Variants in IQCM observed in about 807,000 individuals in gnomAD.
IQCM encodes IQ domain-containing protein M.
IQCM carries 45 observed loss-of-function variants against 57.6 expected under a neutral mutation model. The ratio of observed to expected loss-of-function variants is 0.78; its 90% CI spans 0.62 to 1.00. The LOEUF is 1.00. Ranked by LOEUF, IQCM falls within the 50% of genes least tolerant of loss-of-function variation. The pLI is 0.00. For synonymous variants in IQCM, 148 were observed against 158.9 expected (o/e 0.93, Z 0.51); for missense variants, 468 against 511.6 (o/e 0.91, Z 0.82).
chr4:149,553,658 A>T lies in IQCM; in HGVS notation c.949-371T>A, dbSNP rs542822617. On this transcript the variant is annotated intron_variant, in intron 10 of 13. Transcript: ENST00000636793. Reference sequence around the variant, plus strand: ...TAGATGATTCTTGTCTAAGCAGTCCACTCTGGGTGCTCAAATCTTTGTCTC... The same window carrying T: ...TAGATGATTCTTGTCTAAGCAGTCCTCTCTGGGTGCTCAAATCTTTGTCTC... Among the ~76,000 whole-genome samples, 40 of 152,172 alleles carry T rather than the reference A, an allele frequency of 2.6e-4. No homozygotes were observed. The South Asian group carries it at 8.1e-3, about 31-fold the overall frequency.
intron 2 of IQCM, among the ~76,000 whole-genome samples, chr4:149,766,480 G>C (rs548825449): frequency 6.6e-6 from 1 of 152,182 alleles, no homozygotes; most frequent in African/African-American, 2.4e-5. Flanking sequence ...GCAAGGCTCT[G>C]TTCCTGGCTC....
At chr4:149,745,794 A>G (rs1461427075) in intron 2 of IQCM, among the ~76,000 whole-genome samples, 1 of 152,080 alleles carries the variant, frequency 6.6e-6, no homozygotes, top group Non-Finnish European at 1.5e-5. Flanking sequence ...CAACATGGTC[A>G]AACCCCTTCT....
intron 5 of IQCM, among the ~76,000 whole-genome samples, chr4:149,688,476 T>C (rs1045617916): frequency 6.6e-6 from 1 of 152,006 alleles, no homozygotes; most frequent in Non-Finnish European, 1.5e-5. Flanking sequence ...TGGAAACACA[T>C]GCCATGCTCA....
chr4:149,416,096 A>G (rs1203366769), intron 13 of IQCM, among the ~76,000 whole-genome samples: 1 of 152,032 alleles, frequency 6.6e-6, no homozygotes, highest in Non-Finnish European at 1.5e-5. Context: ...TCCTAATCAG[A>G]TGACTGAGTG....
intron 7 of IQCM, among the ~76,000 whole-genome samples, chr4:149,676,953 A>G (rs1761802625): frequency 6.6e-6 from 1 of 152,168 alleles, no homozygotes; most frequent in Non-Finnish European, 1.5e-5. Flanking sequence ...CACAAAAATT[A>G]TGAACACAAG....
At chr4:149,508,126 C>A (rs1400208189) in intron 12 of IQCM, among the ~76,000 whole-genome samples, 3 of 151,940 alleles carry the variant, frequency 2.0e-5, no homozygotes, top group Admixed American at 1.3e-4. Flanking sequence ...ATGGAAATGC[C>A]TGGATGCCCA....
intron 10 of IQCM, among the ~76,000 whole-genome samples, chr4:149,563,021 T>G (rs1045641533): frequency 2.0e-5 from 3 of 152,210 alleles, no homozygotes; most frequent in African/African-American, 7.2e-5. Context: ...TTTAGGATTC[T>G]CTCAAAGGTT....
At chr4:149,717,849 C>A (rs1245742648) in intron 5 of IQCM, among the ~76,000 whole-genome samples, 1 of 152,168 alleles carries the variant, frequency 6.6e-6, no homozygotes, top group Non-Finnish European at 1.5e-5. Flanking sequence ...CAATAAAAGA[C>A]TTAATTACTT....
intron 2 of IQCM, among the ~76,000 whole-genome samples, chr4:149,748,924 G>C (rs1335293981): frequency 6.6e-6 from 1 of 152,086 alleles, no homozygotes; most frequent in African/African-American, 2.4e-5. Context: ...GAAAAATACA[G>C]GCAGTTGAAT....
intron 5 of IQCM, among the ~76,000 whole-genome samples, chr4:149,724,144 C>G (rs1765687406): frequency 6.6e-6 from 1 of 151,906 alleles, no homozygotes; most frequent in South Asian, 2.1e-4. Flanking sequence ...AAATAAGGGA[C>G]TTGAGCATCT....
chr4:149,549,233 T>C (rs1748764912), intron 11 of IQCM, among the ~76,000 whole-genome samples: 2 of 152,272 alleles, frequency 1.3e-5, no homozygotes, highest in South Asian at 4.1e-4. Context: ...AGAAAATTGA[T>C]GGCCGGGCGC....
At chr4:149,767,309 G>A (rs1770153951) in intron 2 of IQCM, among the ~76,000 whole-genome samples, 1 of 151,802 alleles carries the variant, frequency 6.6e-6, no homozygotes, top group Non-Finnish European at 1.5e-5. Flanking sequence ...TATTAAGCTG[G>A]GTGCCATCTT....
chr4:149,766,182 A>AC (rs1770037230), intron 2 of IQCM, among the ~76,000 whole-genome samples: 1 of 152,098 alleles, frequency 6.6e-6, no homozygotes, highest in East Asian at 1.9e-4. Flanking sequence ...TATTGCTGTC[A>AC]AATTATGCCC....
At chr4:149,497,902 T>C (rs538215591) in intron 12 of IQCM, among the ~76,000 whole-genome samples, 41 of 152,254 alleles carry the variant, frequency 2.7e-4, no homozygotes, top group Admixed American at 2.2e-3. Context: ...CCACGTGATG[T>C]TGAGTGGTTT....
intron 13 of IQCM, among the ~76,000 whole-genome samples, chr4:149,379,891 G>A (rs1490715525): frequency 6.6e-6 from 1 of 152,132 alleles, no homozygotes; most frequent in African/African-American, 2.4e-5. Context: ...CCCTTGAGTT[G>A]TGGGAGGGAC....
Position 149,368,072 on chromosome 4 carries a change from T to C in IQCM, c.1391-16006A>G, listed in dbSNP as rs567104206. ...TTCCCCTTCAAATTATATTTATAGA[T>C]TTGTTTATATTATTTTTCACATAAA... is the stretch of plus-strand genomic sequence containing the variant. On this transcript the variant is annotated intron_variant, in intron 13 of 13. Transcript: ENST00000636793. Among the ~76,000 whole-genome samples the C allele has an allele frequency of 3.3e-5, 5 of 152,182 alleles. No homozygotes were observed. In the South Asian group the frequency reaches 8.3e-4, roughly 25 times the overall value.
At chr4:149,674,851 G>C (rs1436831395) in intron 7 of IQCM, among the ~76,000 whole-genome samples, 1 of 152,042 alleles carries the variant, frequency 6.6e-6, no homozygotes, top group East Asian at 1.9e-4. Flanking sequence ...AATTACAAGA[G>C]AGTGTTGTTT....
chr4:149,736,815 A>G (rs2149896576), intron 3 of IQCM, among the ~76,000 whole-genome samples: 1 of 152,310 alleles, frequency 6.6e-6, no homozygotes, highest in Middle Eastern at 3.4e-3. Flanking sequence ...CCCATCCTAC[A>G]ACCCAGCAAT....
intron 5 of IQCM, among the ~76,000 whole-genome samples, chr4:149,710,102 T>A: frequency 6.6e-6 from 1 of 152,134 alleles, no homozygotes; most frequent in South Asian, 2.1e-4. Flanking sequence ...AGTTATACAC[T>A]CATTTGATTT....
Sources: allele counts gnomAD v4.1 joint callset (sites outside exome capture counted in the v4.1 genomes callset), GRCh38; gene constraint gnomAD v4.1.1; transcripts MANE v1.5; gene names NCBI Gene and HGNC (gene_info 2026-07-23, HGNC 2026-07-21).